Variants in C5 observed in about 807,000 individuals in gnomAD.
The protein encoded by C5 is C3 and PZP-like alpha-2-macroglobulin domain-containing protein 4.
In C5, 140 loss-of-function variants were observed where a neutral mutation model predicts 218.8. That is an observed-to-expected ratio of 0.64 (90% CI 0.56 to 0.74). C5 has a LOEUF of 0.74. C5 is among the 30% of genes least tolerant of loss of function. The pLI is 0.00. For synonymous variants in C5, 614 were observed against 682.3 expected, an observed-to-expected ratio of 0.90 and a Z score of 1.56; for missense variants, 1,700 against 1,969.6, an observed-to-expected ratio of 0.86 and a Z score of 2.59.
At chr9:121,025,427 C>CACAT (rs1554724238) in intron 9 of C5, 27 bp downstream of exon 9, 1 of 1,587,014 alleles carries the variant, frequency 6.3e-7, no homozygotes, top group Non-Finnish European at 8.6e-7. Context: ...TATACACACA[C>CACAT]ACACACACAC....
In C5 at chr9:121,050,051, AGAT is replaced by A. The variant is rs138442643; in HGVS notation, c.65+128_65+130del. On this transcript the variant is annotated intron_variant, in intron 1 of 40. Coordinates refer to ENST00000223642, the MANE Select transcript of C5 (RefSeq NM_001735.3). ...ATGCTTCCATGACTTTCTCATTCAGAGATGATACTATTCACTTGCTGTTCTCAG... is the reference window on the plus strand; with the variant it reads ...ATGCTTCCATGACTTTCTCATTCAGAGATACTATTCACTTGCTGTTCTCAG... The A allele has an allele frequency of 7.6e-4, 595 of 782,450 alleles. 6 individuals are homozygous for A. In the East Asian group the frequency reaches 0.013, roughly 18 times the overall value. The allele number at this position is 782,450 out of a possible 1,614,324, so 48.5% of individuals were successfully genotyped here.
intron 12 of C5, among the ~76,000 whole-genome samples, chr9:121,018,742 A>AAAGG (rs765624136): frequency 0.061 from 6,043 of 98,658 alleles, 216 homozygotes; most frequent in Middle Eastern, 0.08. Flanking sequence ...GGAAGGAAGG[A>AAAGG]AAGGAAGGAA....
At chr9:121,006,637 G>GT (rs1253089467) in intron 19 of C5, among the ~76,000 whole-genome samples, 1 of 152,012 alleles carries the variant, frequency 6.6e-6, no homozygotes, top group Non-Finnish European at 1.5e-5. Flanking sequence ...GAAACTAGGA[G>GT]TTTGAGACCA....
intron 25 of C5, among the ~76,000 whole-genome samples, chr9:120,987,475 T>C (rs1447957270): frequency 6.6e-6 from 1 of 151,514 alleles, no homozygotes; most frequent in East Asian, 2.0e-4. Context: ...AAACCCCACC[T>C]CTACTAAAAA....
At chr9:120,993,271 CCAG>C (rs1173376214) in intron 22 of C5, among the ~76,000 whole-genome samples, 1 of 152,070 alleles carries the variant, frequency 6.6e-6, no homozygotes, top group Non-Finnish European at 1.5e-5. Flanking sequence ...ATCCTTTGAC[CCAG>C]CTCCTGGATA....
At chr9:121,012,214 T>C (rs2047267260) in intron 17 of C5, among the ~76,000 whole-genome samples, 1 of 151,860 alleles carries the variant, frequency 6.6e-6, no homozygotes, top group Non-Finnish European at 1.5e-5. Context: ...TATCAAAGTA[T>C]CTCGTGTACC....
rs542114357 is a variant in C5 at position 120,970,199 on chromosome 9, T to A, written c.4133A>T (p.Tyr1378Phe). ...AATATCCTGAGTATCGATTTTCAAA[T>A]AAAAGCTGCAAACTTCCTCAGAGGT... ...TSTSEEVCSF[Y>F]LKIDTQDIEA... The change falls in exon 32 of 41, where the codon TAT (tyrosine) becomes TTT (phenylalanine). Residue 1378 changes from tyrosine to phenylalanine, a missense_variant. Physicochemically the swap from Tyr to Phe is conservative, Grantham distance 22. Coordinates refer to ENST00000223642, the MANE Select transcript of C5 (RefSeq NM_001735.3). 3.1e-6 allele frequency: 5 copies of A among 1,613,632 alleles called. No individual in the cohort carries two copies. In the African/African-American group the frequency reaches 6.7e-5, roughly 22 times the overall value.
intron 22 of C5, among the ~76,000 whole-genome samples, chr9:120,994,230 AT>A (rs201290404): frequency 3.6e-4 from 55 of 150,944 alleles, no homozygotes; most frequent in Non-Finnish European, 5.9e-4. Flanking sequence ...ACTTTTTAGC[AT>A]TTTTTTTTAA....
At chr9:121,023,946 T>C (rs1419402196) in intron 9 of C5, among the ~76,000 whole-genome samples, 2 of 150,668 alleles carry the variant, frequency 1.3e-5, no homozygotes, top group Non-Finnish European at 3.0e-5. Flanking sequence ...AGAGCATAGA[T>C]ACATAGAGAG....
intron 14 of C5, among the ~76,000 whole-genome samples, chr9:121,016,621 TGAG>T (rs977819192): frequency 1.3e-5 from 2 of 152,234 alleles, no homozygotes; most frequent in African/African-American, 2.4e-5. Flanking sequence ...ATAGCTTTGA[TGAG>T]GAGTTTCTTA....
intron 37 of C5, 96 bp downstream of exon 37, chr9:120,961,386 G>T: frequency 1.3e-6 from 1 of 782,568 alleles, no homozygotes; most frequent in South Asian, 1.4e-5. Flanking sequence ...TTCTGAGAAA[G>T]AACAGTTTAC....
the C5 span, among the ~76,000 whole-genome samples, chr9:121,066,502 T>C: frequency 6.6e-6 from 1 of 151,856 alleles, no homozygotes; most frequent in East Asian, 1.9e-4. Flanking sequence ...TGGAGAATAA[T>C]TATTATTTAC....
At chr9:120,982,963 GATTTTT>G in intron 25 of C5, 149 bp from the exon 26 acceptor site, 1 of 583,064 alleles carries the variant, frequency 1.7e-6, no homozygotes, top group Non-Finnish European at 3.0e-6. Context: ...AGGAAGGGAA[GATTTTT>G]GGAATACCTC....
intron 32 of C5, among the ~76,000 whole-genome samples, chr9:120,969,840 A>G (rs1209795385): frequency 6.6e-6 from 1 of 152,228 alleles, no homozygotes; most frequent in African/African-American, 2.4e-5. Flanking sequence ...CACAAAAGTA[A>G]CAGAAATTCC....
intron 28 of C5, 63 bp downstream of exon 28, chr9:120,980,020 C>T: frequency 6.7e-7 from 1 of 1,494,306 alleles, no homozygotes; most frequent in Admixed American, 1.7e-5. Flanking sequence ...ACCCACTTCC[C>T]AGACTAGCAG....
intron 4 of C5, among the ~76,000 whole-genome samples, chr9:121,037,302 G>GTTTTTTTTTTTTTTTTTGA (rs201849062): frequency 1.5e-5 from 2 of 136,722 alleles, no homozygotes; most frequent in African/African-American, 2.7e-5. Context: ...TTGTTTTTTG[G>GTTTTTTTTTTTTTTTTTGA]TTTTTTTTTT....
At chr9:120,953,891 A>G (rs1277228914) in intron 39 of C5, 23 bp from the exon 40 acceptor site, 1 of 1,613,138 alleles carries the variant, frequency 6.2e-7, no homozygotes, top group Non-Finnish European at 8.5e-7. Context: ...CAAGTCAAGT[A>G]AGGTTATACC....
chr9:121,049,303 A>G (rs939575489), intron 1 of C5, among the ~76,000 whole-genome samples: 5 of 152,220 alleles, frequency 3.3e-5, no homozygotes, highest in South Asian at 4.1e-4. Context: ...ATTTGAAGTC[A>G]CTTAATTTCA....
rs1456753019 is a variant in C5, at chr9:120,991,214, A to C, written c.2918T>G (p.Ile973Ser). 6.2e-6 allele frequency: 10 copies of C among 1,605,418 alleles called. No individual in the cohort carries two copies. Among genetic ancestry groups the C allele is most frequent in the Non-Finnish European group, 8.5e-6 (10 of 1,172,206 alleles). Reference protein sequence around the residue: ...IPLDLVPKTEIKRILSVKGLL... With the variant: ...IPLDLVPKTESKRILSVKGLL... ...ACCTTTTACACTCAAAATCCTTTTG[A>C]TTTCTGTTTTGGGGACCAAATCTAA... Residue 973 changes from isoleucine (I) to serine (S), a missense_variant, in exon 23 of 41, where the codon ATC becomes AGC. Transcript: ENST00000223642.
Sources: gnomAD v4.1 joint callset for allele counts (sites outside exome capture counted in the v4.1 genomes callset) on GRCh38, gnomAD v4.1.1 for gene constraint, MANE v1.5 for transcripts, NCBI Gene and HGNC (gene_info 2026-07-23, HGNC 2026-07-21) for gene names.